The following NOX4 variants were observed in gnomAD, a reference collection of about 807,000 sequenced individuals.
NOX4 encodes the protein NADPH oxidase 4.
In NOX4, 69 loss-of-function variants were observed where a neutral mutation model predicts 87.6. The observed-to-expected ratio is 0.79, with a 90% CI of 0.65 to 0.96. NOX4 has a LOEUF of 0.96. Ranked by LOEUF, NOX4 falls within the 40% of genes least tolerant of loss-of-function variation. The pLI is 0.00. For synonymous variants in NOX4, 275 were observed against 238.2 expected, an observed-to-expected ratio of 1.15 and a Z score of -1.42; for missense variants, 680 against 681.5, an observed-to-expected ratio of 1.00 and a Z score of 0.02.
intron 17 of NOX4, among the ~76,000 whole-genome samples, chr11:89,330,628 G>GAA (rs35155228): frequency 4.4e-3 from 350 of 79,640 alleles, no homozygotes; most frequent in African/African-American, 0.013. Context: ...TTACTAAAAA[G>GAA]AAAAAAAAAA....
At chr11:89,327,763 A>G (rs142391389) in intron 17 of NOX4, among the ~76,000 whole-genome samples, 2,165 of 152,260 alleles carry the variant, frequency 0.014, 39 homozygotes, top group African/African-American at 0.05. Flanking sequence ...AATAGTAAAT[A>G]CTGAAAAAAA....
chr11:89,540,683 G>A, the NOX4 span, among the ~76,000 whole-genome samples: 1 of 151,144 alleles, frequency 6.6e-6, no homozygotes, highest in Non-Finnish European at 1.5e-5. Flanking sequence ...AGCTACTCGG[G>A]AGGCTGAGGC....
At chr11:89,401,533 A>T (rs1482624615) in intron 9 of NOX4, among the ~76,000 whole-genome samples, 2 of 152,082 alleles carry the variant, frequency 1.3e-5, no homozygotes, top group African/African-American at 4.8e-5. Context: ...GAGACATTTG[A>T]CATCACTATT....
the NOX4 span, among the ~76,000 whole-genome samples, chr11:89,513,937 C>T: frequency 6.6e-6 from 1 of 151,952 alleles, no homozygotes; most frequent in African/African-American, 2.4e-5. Flanking sequence ...ACCCATTTTA[C>T]CACGTTATGA....
chr11:89,431,241 C>T (rs1301233471), intron 7 of NOX4, among the ~76,000 whole-genome samples: 5 of 152,154 alleles, frequency 3.3e-5, no homozygotes, highest in Admixed American at 2.0e-4. Context: ...AGACCTAAAA[C>T]CATCAAAACC....
the NOX4 span, among the ~76,000 whole-genome samples, chr11:89,546,992 T>C: frequency 6.6e-6 from 1 of 152,178 alleles, no homozygotes; most frequent in Non-Finnish European, 1.5e-5. Flanking sequence ...ATTTTCTTCT[T>C]GTAGACTTGG....
intron 2 of NOX4, among the ~76,000 whole-genome samples, chr11:89,464,766 T>C (rs1404540133): frequency 6.6e-6 from 1 of 152,208 alleles, no homozygotes; most frequent in Non-Finnish European, 1.5e-5. Flanking sequence ...GAGGATTCCA[T>C]ATGTAATTTT....
At chr11:89,514,216 C>T in the NOX4 span, among the ~76,000 whole-genome samples, 1 of 151,916 alleles carries the variant, frequency 6.6e-6, no homozygotes, top group African/African-American at 2.4e-5. Flanking sequence ...GAATATCACA[C>T]TTTTTAAATA....
chr11:89,426,273 C>T (rs1446270352), intron 7 of NOX4, among the ~76,000 whole-genome samples: 1 of 152,036 alleles, frequency 6.6e-6, no homozygotes, highest in Non-Finnish European at 1.5e-5. Context: ...AGGAACAGCT[C>T]CAGTCTACAG....
At chr11:89,434,682 C>A (rs1320596598) in intron 6 of NOX4, among the ~76,000 whole-genome samples, 5 of 150,444 alleles carry the variant, frequency 3.3e-5, no homozygotes, top group Admixed American at 2.0e-4. Flanking sequence ...TTATTTTTAA[C>A]AGTCAAAGTC....
chr11:89,505,154 T>C, the NOX4 span, among the ~76,000 whole-genome samples: 1 of 151,930 alleles, frequency 6.6e-6, no homozygotes, highest in Non-Finnish European at 1.5e-5. Context: ...GAATATTAGG[T>C]CCCCTCATTA....
At chr11:89,461,575 G>T (rs1026099932) in intron 2 of NOX4, among the ~76,000 whole-genome samples, 11 of 151,442 alleles carry the variant, frequency 7.3e-5, no homozygotes, top group African/African-American at 2.7e-4. Context: ...AACCCGGAAG[G>T]CAGAGCTTGC....
upstream of NOX4, chr11:89,492,237 T>G (rs576497361): frequency 6.6e-6 from 1 of 152,066 alleles, no homozygotes; most frequent in South Asian, 2.1e-4. Flanking sequence ...AAATCAGTAT[T>G]AGAAAAGAGA....
At chr11:89,427,718 G>A (rs1170302782) in intron 7 of NOX4, among the ~76,000 whole-genome samples, 3 of 152,194 alleles carry the variant, frequency 2.0e-5, no homozygotes, top group Non-Finnish European at 4.4e-5. Context: ...ATGGGACTAT[G>A]TGAGAAGACC....
At chr11:89,393,428 G>T (rs1474802727) in intron 11 of NOX4, among the ~76,000 whole-genome samples, 1 of 150,848 alleles carries the variant, frequency 6.6e-6, no homozygotes, top group Non-Finnish European at 1.5e-5. Flanking sequence ...TGCCTATTGG[G>T]ATCCCAAAGG....
At chr11:89,346,676 C>T (rs1946228653) in intron 13 of NOX4, among the ~76,000 whole-genome samples, 1 of 152,020 alleles carries the variant, frequency 6.6e-6, no homozygotes, top group African/African-American at 2.4e-5. Flanking sequence ...GCTATAGACT[C>T]GGCTTGGCCC....
intron 8 of NOX4, among the ~76,000 whole-genome samples, chr11:89,406,045 C>A (rs12574346): frequency 0.029 from 4,434 of 152,058 alleles, 136 homozygotes; most frequent in East Asian, 0.13. Context: ...CAAACCAATA[C>A]TTTTATGTGT....
chr11:89,524,860 T>A, the NOX4 span, among the ~76,000 whole-genome samples: 2 of 152,084 alleles, frequency 1.3e-5, no homozygotes, highest in Non-Finnish European at 1.5e-5. Flanking sequence ...TTCCAATTAA[T>A]TGTTCCCACC....
At chr11:89,541,716 A>G in the NOX4 span, among the ~76,000 whole-genome samples, 1 of 152,238 alleles carries the variant, frequency 6.6e-6, no homozygotes. Flanking sequence ...AGAAGTTTTC[A>G]CTATAAAATA....
Sources: allele counts gnomAD v4.1 joint callset (sites outside exome capture counted in the v4.1 genomes callset), GRCh38; gene constraint gnomAD v4.1.1; transcripts MANE v1.5; gene names NCBI Gene and HGNC (gene_info 2026-07-23, HGNC 2026-07-21).